The following HERC1 variants were observed in gnomAD, a reference collection of about 807,000 sequenced individuals.
HERC1 encodes the protein HECT and RLD domain containing E3 ubiquitin protein ligase family member 1.
HERC1 carries 160 observed loss-of-function variants against 554.3 expected under a neutral mutation model. The observed-to-expected ratio is 0.29, with a 90% CI of 0.25 to 0.33. The LOEUF (loss-of-function observed/expected upper bound fraction) is 0.33, where lower values mean the gene tolerates loss of function less well. HERC1 is among the 10% of genes least tolerant of loss of function. The pLI is 1.00. For missense variants in HERC1, 4,919 were observed against 5,918.5 expected (o/e 0.83, Z 5.54); for synonymous variants, 2,175 against 2,131.7 (o/e 1.02, Z -0.56).
At chr15:63,627,532 G>A (rs1447415546) in intron 70 of HERC1, among the ~76,000 whole-genome samples, 3 of 152,098 alleles carry the variant, frequency 2.0e-5, no homozygotes, top group African/African-American at 7.2e-5. Flanking sequence ...AAATGAGTTG[G>A]GCGTGGTGGC....
intron 44 of HERC1, 97 bp downstream of exon 44, chr15:63,662,887 G>T: frequency 1.2e-6 from 1 of 859,756 alleles, no homozygotes; most frequent in Non-Finnish European, 1.8e-6. Context: ...AGACTTTTTA[G>T]AGTGTTTCAA....
intron 54 of HERC1, among the ~76,000 whole-genome samples, 165 bp from the exon 55 acceptor site, chr15:63,648,364 T>C (rs2069468107): frequency 6.6e-6 from 1 of 152,254 alleles, no homozygotes; most frequent in African/African-American, 2.4e-5. Context: ...CAGTGGGGAT[T>C]CCATGTAACA....
chr15:63,775,465 T>C lies in HERC1; in HGVS notation c.159A>G (p.Gln53=), dbSNP rs1184351405. 1 of 1,613,984 alleles carries C rather than the reference T, an allele frequency of 6.2e-7. No homozygotes were observed. Among genetic ancestry groups the C allele is most frequent in the Non-Finnish European group, 8.5e-7 (1 of 1,179,864 alleles). Residue 53 remains glutamine (Q), a synonymous_variant, in exon 2 of 78, where the codon CAA becomes CAG. Transcript: ENST00000443617. This position sits in a 1 kb window ranked among gnomAD's most constrained non-coding sequence, Gnocchi z 4.0. The part of the protein sequence containing the change: ...SNKEVVPLPQ[Q]VLCLKGPQLP... ...ACTGTGGTCCTTTGAGGCATAAAAC[T>C]TGTTGGGGCAAAGGTACTACTTCCT...
At chr15:63,822,579 CTG>C (rs956469375) in intron 1 of HERC1, among the ~76,000 whole-genome samples, 1 of 150,166 alleles carries the variant, frequency 6.7e-6, no homozygotes, top group African/African-American at 2.5e-5. Context: ...GAGCAAGACT[CTG>C]TCTCAAAAAA....
intron 41 of HERC1, 34 bp from the exon 42 acceptor site, chr15:63,666,184 T>C (rs1339031261): frequency 1.3e-6 from 2 of 1,552,924 alleles, no homozygotes; most frequent in Non-Finnish European, 1.8e-6. Context: ...ATGCTGACTT[T>C]GGGCAAAGAA....
At chr15:63,831,371 G>A (rs1361280576) in intron 1 of HERC1, among the ~76,000 whole-genome samples, 1 of 151,988 alleles carries the variant, frequency 6.6e-6, no homozygotes, top group Non-Finnish European at 1.5e-5. Flanking sequence ...CCTCCCCAAG[G>A]GCTGAGATTA....
At chr15:63,665,362 T>C (rs1376653829) in intron 42 of HERC1, among the ~76,000 whole-genome samples, 1 of 152,074 alleles carries the variant, frequency 6.6e-6, no homozygotes, top group Non-Finnish European at 1.5e-5. Flanking sequence ...TGAAACCCTG[T>C]CTCTACTAAA....
At chr15:63,746,794 A>G (rs1567081358) in intron 12 of HERC1, 124 bp downstream of exon 12, 4 of 846,548 alleles carry the variant, frequency 4.7e-6, no homozygotes, top group African/African-American at 3.4e-5. Context: ...TCACCAAGAA[A>G]ACAGGAGTAA....
At chr15:63,827,757 G>A (rs139393353) in intron 1 of HERC1, among the ~76,000 whole-genome samples, 4 of 152,236 alleles carry the variant, frequency 2.6e-5, no homozygotes, top group East Asian at 1.9e-4. Context: ...CTCAACTGAC[G>A]CATGAACAAA....
chr15:63,653,096 C>T (rs1240709392), intron 51 of HERC1, among the ~76,000 whole-genome samples: 1 of 152,158 alleles, frequency 6.6e-6, no homozygotes, highest in Non-Finnish European at 1.5e-5. Context: ...AGTACTTTAA[C>T]ATTTTATGTT....
At position 63,612,714 on chromosome 15, in the gene HERC1, C is replaced by CCCA. The variant is rs1475667420; in HGVS notation, c.14095-161_14095-159dup. Among the ~76,000 whole-genome samples, 1 of 152,202 alleles carries CCCA rather than the reference C, an allele frequency of 6.6e-6. No individual in the cohort carries two copies. Among genetic ancestry groups the CCCA allele is most frequent in the Non-Finnish European group, 1.5e-5 (1 of 68,038 alleles). Reference sequence around the variant, plus strand: ...CAGGCACGAGAGTCAGTCAAAAAGGCCCACCCTCCCTGCCTCTCAACCCTT... The same window carrying CCCA: ...CAGGCACGAGAGTCAGTCAAAAAGGCCCACCACCCTCCCTGCCTCTCAACCCTT... On this transcript the variant is annotated intron_variant, in intron 76 of 77. Transcript: ENST00000443617. This position sits in a 1 kb window ranked among gnomAD's most constrained non-coding sequence, Gnocchi z 5.0.
chr15:63,769,277 G>A (rs2075877960), intron 2 of HERC1, among the ~76,000 whole-genome samples: 1 of 151,908 alleles, frequency 6.6e-6, no homozygotes, highest in African/African-American at 2.4e-5. Flanking sequence ...AAATCAGCCA[G>A]GTGTGGTGGC....
intron 12 of HERC1, among the ~76,000 whole-genome samples, chr15:63,741,470 A>C (rs2074803412): frequency 6.6e-6 from 1 of 151,146 alleles, no homozygotes; most frequent in Non-Finnish European, 1.5e-5. Flanking sequence ...ACGCCACTAC[A>C]CCCGGCTAAT....
intron 39 of HERC1, 37 bp downstream of exon 39, chr15:63,672,459 C>T (rs1487423070): frequency 2.1e-6 from 3 of 1,443,298 alleles, no homozygotes; most frequent in Non-Finnish European, 2.8e-6. Flanking sequence ...GAAACACAGG[C>T]ATCAGTATGG....
intron 36 of HERC1, among the ~76,000 whole-genome samples, chr15:63,679,859 GACTCACTGTATTCAA>G (rs1279782893): frequency 6.6e-6 from 1 of 152,134 alleles, no homozygotes; most frequent in Non-Finnish European, 1.5e-5. Flanking sequence ...TTTGAAAGTT[GACTCACTGTATTCAA>G]ATTGCCAGAA....
Position 63,645,540 on chromosome 15 carries a change from C to T in HERC1, c.11021G>A (p.Gly3674Asp), listed in dbSNP as rs550649446. The part of the protein sequence containing the change: ...HSLCHPSIVN[G>D]IAWCRLPGKG... ...CCCTGGAAGGCGGCACCAAGCAATG[C>T]CATTTACAATAGATGGATGGCAGAG... The change falls in exon 56 of 78, where the codon GGC (glycine) becomes GAC (aspartate). Residue 3674 changes from glycine (G) to aspartate (D), a missense_variant. Physicochemically the swap from Gly to Asp is moderately conservative, Grantham distance 94. This residue lies in a region of HERC1 where 1,963 missense variants were observed against 2,228.6 expected (regional missense o/e 0.88). Coordinates refer to ENST00000443617, the MANE Select transcript of HERC1 (RefSeq NM_003922.4). 43 of 1,613,194 alleles carry T rather than the reference C, an allele frequency of 2.7e-5. No homozygotes were observed. The highest frequency in any genetic ancestry group is 4.4e-5 in the South Asian group (4 of 90,916).
intron 1 of HERC1, among the ~76,000 whole-genome samples, chr15:63,813,403 G>A (rs1417957975): frequency 1.3e-5 from 2 of 151,028 alleles, no homozygotes; most frequent in Non-Finnish European, 2.9e-5. Context: ...CTCCAAAAGA[G>A]CCACACTTTA....
intron 38 of HERC1, 107 bp downstream of exon 38, chr15:63,674,235 A>C (rs2071082520): frequency 2.1e-6 from 2 of 967,130 alleles, no homozygotes; most frequent in Non-Finnish European, 2.9e-6. Flanking sequence ...ACCAAAAAAA[A>C]AATTTTTTTT....
At chr15:63,714,556 T>G (rs1344289793) in intron 22 of HERC1, among the ~76,000 whole-genome samples, 1 of 146,188 alleles carries the variant, frequency 6.8e-6, no homozygotes, top group Non-Finnish European at 1.5e-5. Flanking sequence ...TTTTTTTTTT[T>G]TTTTTTTTTT....
Sources: gnomAD v4.1 joint callset for allele counts (sites outside exome capture counted in the v4.1 genomes callset) on GRCh38, gnomAD v4.1.1 for gene constraint, gnomAD v4.1.1 regional missense constraint, Gnocchi (gnomAD v3.1) non-coding constraint, MANE v1.5 for transcripts, NCBI Gene and HGNC (gene_info 2026-07-23, HGNC 2026-07-21) for gene names.